SUN2: variants seen among roughly 807,000 people sequenced by gnomAD.
The protein encoded by SUN2 is SUN domain-containing protein 2.
In SUN2, 60 loss-of-function variants were observed where a neutral mutation model predicts 100.0. The ratio of observed to expected loss-of-function variants is 0.60; its 90% CI spans 0.49 to 0.74. The LOEUF is 0.74. SUN2 is among the 30% of genes least tolerant of loss of function. SUN2 has a pLI of 0.00. For missense variants in SUN2, 834 were observed against 954.6 expected, an observed-to-expected ratio of 0.87 and a Z score of 1.66; for synonymous variants, 367 against 403.3, an observed-to-expected ratio of 0.91 and a Z score of 1.08.
At chr22:38,751,139 G>A (rs866175616) in intron 3 of SUN2, 71 bp downstream of exon 3, 1 of 1,607,502 alleles carries the variant, frequency 6.2e-7, no homozygotes, top group South Asian at 1.1e-5. Context: ...GGGACTGCAG[G>A]GGACACTGTG....
In SUN2 at chr22:38,752,562, C is replaced by T. The variant is rs1196723769; in HGVS notation, c.67G>A (p.Gly23Arg). Residue 23 changes from glycine (G) to arginine (R), a missense_variant, in exon 2 of 18, where the codon GGA becomes AGA. Around this residue, in one of 3 missense-constraint regions of SUN2, gnomAD observed 559 missense variants for 597.7 expected, o/e 0.94. Coordinates refer to ENST00000689035, the MANE Select transcript of SUN2 (RefSeq NM_015374.3). ...TGACTCCCAGCCACCGAGCTCCCTC[C>T]GCTGCTGCTGCTGCCGTCATCGTCA... ...QGDDDGSSSS[G>R]GSSVAGSQST... 1.7e-5 allele frequency: 28 copies of T among 1,613,818 alleles called. No individual in the cohort carries two copies. The highest frequency in any genetic ancestry group is 5.5e-5 in the South Asian group (5 of 91,084).
Position 38,739,605 on chromosome 22 carries a change from T to C in SUN2, c.1578+117A>G. The C allele has an allele frequency of 1.1e-5, 15 of 1,357,178 alleles. No individual in the cohort carries two copies. The highest frequency in any genetic ancestry group is 1.5e-5 in the Non-Finnish European group (15 of 975,864). 84.1% of individuals were successfully genotyped at this position (1,357,178 alleles called of 1,614,324 possible). A position where few individuals can be genotyped will look rare whatever the true frequency, so the allele number is the denominator to read the frequency against. ...TGCCAGCCCCACAGCATGCAAAGCCTCCTGCTTGGCACTTCCATCCTGGAA... is the reference window on the plus strand; with the variant it reads ...TGCCAGCCCCACAGCATGCAAAGCCCCCTGCTTGGCACTTCCATCCTGGAA... On this transcript the variant is annotated intron_variant, in intron 13 of 17. Transcript: ENST00000689035. This position sits in a 1 kb window ranked among gnomAD's most constrained non-coding sequence, Gnocchi z 6.7.
chr22:38,749,839 A>G lies in SUN2; in HGVS notation c.541T>C (p.Tyr181His), dbSNP rs761431666. 1.9e-6 allele frequency: 3 copies of G among 1,613,834 alleles called. No individual in the cohort carries two copies. Among genetic ancestry groups the G allele is most frequent in the Non-Finnish European group, 1.7e-6 (2 of 1,179,942 alleles). Reference sequence around the variant, plus strand: ...TACCAGGTGGTGCCAGCCCACCAGTAGAGAAGTCTGAAGAGCCGGCCTGGA... The same window carrying G: ...TACCAGGTGGTGCCAGCCCACCAGTGGAGAAGTCTGAAGAGCCGGCCTGGA... ...TSPGRLFRLL[Y>H]WWAGTTWYRL... is the part of the protein sequence containing the mutation. The change falls in exon 6 of 18, where the codon TAC becomes CAC. Residue 181 changes from tyrosine to histidine, a missense_variant. By Grantham distance (83) the Tyr-to-His change is moderately conservative. Transcript: ENST00000689035.
Position 38,755,549 on chromosome 22 carries a change from C to T in SUN2, c.-38+214G>A, listed in dbSNP as rs1441858414. The T allele has an allele frequency of 6.1e-6, 6 of 976,000 alleles. No homozygotes were observed. In the East Asian group the frequency reaches 5.7e-4, roughly 93 times the overall value. 60.5% of individuals were successfully genotyped at this position (976,000 alleles called of 1,614,324 possible). A position where few individuals can be genotyped will look rare whatever the true frequency, so the allele number is the denominator to read the frequency against. The stretch of plus-strand genomic sequence containing the variant: ...AGTCCCGCCCGCAGACACCGCCCTC[C>T]CGGCTGACCAGTGGCGCGGCAGGCG... On this transcript the variant is annotated intron_variant, in intron 1 of 17. Coordinates refer to ENST00000689035, the MANE Select transcript of SUN2 (RefSeq NM_015374.3). This position sits in a 1 kb window ranked among gnomAD's most constrained non-coding sequence, Gnocchi z 5.7.
At position 38,755,738 on chromosome 22, in the gene SUN2, C is replaced by A. The variant is rs1167024150; in HGVS notation, c.-38+25G>T. 2 of 984,970 alleles carry A rather than the reference C, an allele frequency of 2.0e-6. No homozygotes were observed. The highest frequency in any genetic ancestry group is 2.4e-6 in the Non-Finnish European group (2 of 829,788). The allele number at this position is 984,970 out of a possible 1,614,324, so 61.0% of individuals were successfully genotyped here. On this transcript the variant is annotated intron_variant, in intron 1 of 17. Transcript: ENST00000689035. The surrounding 1 kb of genome is among the most constrained non-coding windows in gnomAD (Gnocchi z 5.7). ...CAGGCCGGGCCGCGGCCCCCCAACC[C>A]TCTCCTGAGCTCGCCCGCACTCACC...
rs758511415 is a variant in SUN2 at position 38,738,140 on chromosome 22, C to T, written c.2040+33G>A. On this transcript the variant is annotated intron_variant, in intron 17 of 17. Coordinates refer to ENST00000689035, the MANE Select transcript of SUN2 (RefSeq NM_015374.3). This position sits in a 1 kb window ranked among gnomAD's most constrained non-coding sequence, Gnocchi z 6.6. The stretch of plus-strand genomic sequence containing the variant: ...ACCTGCTGCCTGGATGGGGAGTCTG[C>T]GCCACTTCTGCTAGCACAGCAGCAT... 16 of 1,600,750 alleles carry T rather than the reference C, an allele frequency of 1.0e-5. No individual in the cohort carries two copies. The highest frequency in any genetic ancestry group is 2.2e-5 in the South Asian group (2 of 90,822).
chr22:38,738,350 G>T lies in SUN2; in HGVS notation c.1948-85C>A. 7.9e-7 allele frequency: 1 copy of T among 1,263,012 alleles called. No individual in the cohort carries two copies. The highest frequency in any genetic ancestry group is 1.1e-6 in the Non-Finnish European group (1 of 888,596). 78.2% of individuals were successfully genotyped at this position (1,263,012 alleles called of 1,614,324 possible). ...CTCCAATCCCTGCTCCTCCCACCCA[G>T]CAGGTCAGGCACCAGAGTGGCCTAT... is the stretch of plus-strand genomic sequence containing the variant. On this transcript the variant is annotated intron_variant, in intron 16 of 17. Transcript: ENST00000689035. The surrounding 1 kb of genome is among the most constrained non-coding windows in gnomAD (Gnocchi z 6.6).
At chr22:38,745,343 C>T (rs1400308109) in intron 8 of SUN2, among the ~76,000 whole-genome samples, 1 of 152,176 alleles carries the variant, frequency 6.6e-6, no homozygotes, top group Non-Finnish European at 1.5e-5. Flanking sequence ...AAAGACCACC[C>T]AGACAACCCA....
intron 7 of SUN2, among the ~76,000 whole-genome samples, chr22:38,747,037 A>C (rs114026069): frequency 1.7e-3 from 259 of 148,272 alleles, no homozygotes; most frequent in African/African-American, 6.1e-3. Flanking sequence ...CACACACACA[A>C]AAAAGAATCA....
chr22:38,754,634 G>A, intron 1 of SUN2: 1 of 1,274,346 alleles, frequency 7.8e-7, no homozygotes, highest in Non-Finnish European at 1.0e-6. Flanking sequence ...CGCCCGTACG[G>A]TCCCTACCTG....
intron 1 of SUN2, among the ~76,000 whole-genome samples, chr22:38,753,274 G>A (rs1443528428): frequency 7.1e-6 from 1 of 140,842 alleles, no homozygotes; most frequent in Non-Finnish European, 1.5e-5. Flanking sequence ...GAAGTGCAGT[G>A]GTGCAATCTT....
intron 4 of SUN2, 195 bp from the exon 5 acceptor site, chr22:38,750,515 C>T: frequency 8.1e-7 from 1 of 1,235,406 alleles, no homozygotes; most frequent in Admixed American, 2.4e-5. Context: ...CTGTTTGCAT[C>T]CCTCTCCTCA....
At chr22:38,744,588 T>G (rs1448863464) in intron 8 of SUN2, among the ~76,000 whole-genome samples, 2 of 152,182 alleles carry the variant, frequency 1.3e-5, no homozygotes, top group African/African-American at 2.4e-5. Context: ...CTCAAAAAAT[T>G]TTTAAATGAA....
chr22:38,749,619 G>A (rs965564459), intron 6 of SUN2, 147 bp downstream of exon 6: 14 of 711,782 alleles, frequency 2.0e-5, no homozygotes, highest in Non-Finnish European at 3.2e-5. Flanking sequence ...GGTGGGCTTT[G>A]GGGAAGCTAC....
chr22:38,751,757 C>T (rs1265920897), intron 2 of SUN2, among the ~76,000 whole-genome samples: 2 of 152,226 alleles, frequency 1.3e-5, no homozygotes, highest in African/African-American at 4.8e-5. Context: ...TTCCCAGTGG[C>T]CTGAGGACTG....
At chr22:38,741,470 C>G (rs2092856955) in intron 10 of SUN2, 24 bp downstream of exon 10, 2 of 1,612,366 alleles carry the variant, frequency 1.2e-6, no homozygotes, top group African/African-American at 2.7e-5. Context: ...AGTCACAGGC[C>G]CTGAGTGCCG....
rs2092850377 is a variant in SUN2, at chr22:38,740,813, C to T, written c.1190+194G>A. 2 of 631,182 alleles carry T rather than the reference C, an allele frequency of 3.2e-6. No individual in the cohort carries two copies. The highest frequency in any genetic ancestry group is 5.5e-6 in the Non-Finnish European group (2 of 361,628). The allele number at this position is 631,182 out of a possible 1,614,324, so 39.1% of individuals were successfully genotyped here. ...GCCTGCCCCCCGCCCTCAGGACCCC[C>T]CTGCTAACCTCCATGGCACCTCAAA... On this transcript the variant is annotated intron_variant, in intron 11 of 17. Coordinates refer to ENST00000689035, the MANE Select transcript of SUN2 (RefSeq NM_015374.3). This position sits in a 1 kb window ranked among gnomAD's most constrained non-coding sequence, Gnocchi z 4.8.
chr22:38,742,169 G>A (rs1464796383), intron 9 of SUN2, 132 bp downstream of exon 9: 6 of 1,143,202 alleles, frequency 5.2e-6, no homozygotes, highest in East Asian at 2.7e-5. Context: ...AAGAAAAAAA[G>A]AGAAAGGGAG....
chr22:38,752,082 C>T (rs2092949553), intron 2 of SUN2, among the ~76,000 whole-genome samples: 1 of 152,234 alleles, frequency 6.6e-6, no homozygotes, highest in South Asian at 2.1e-4. Context: ...TCAAGCGATT[C>T]TCCTGCCTCA....
Sources: allele counts gnomAD v4.1 joint callset (sites outside exome capture counted in the v4.1 genomes callset), GRCh38; gene constraint gnomAD v4.1.1; regional missense constraint gnomAD v4.1.1; non-coding constraint Gnocchi (gnomAD v3.1); transcripts MANE v1.5; gene names NCBI Gene and HGNC (gene_info 2026-07-23, HGNC 2026-07-21).